Variants in TBC1D4 observed in about 807,000 individuals in gnomAD.
The protein encoded by TBC1D4 is TBC (Tre-2, BUB2, CDC16) domain-containing protein.
TBC1D4 carries 121 observed loss-of-function variants against 142.5 expected under a neutral mutation model. That is an observed-to-expected ratio of 0.85 (90% CI 0.73 to 0.99). The LOEUF (loss-of-function observed/expected upper bound fraction) is 0.99. Among genes scored for constraint, TBC1D4 ranks in the 50% least tolerant of loss-of-function variants. The pLI is 0.00. For missense variants in TBC1D4, 1,475 were observed against 1,606.6 expected (o/e 0.92, Z 1.40); for synonymous variants, 630 against 628.2 (o/e 1.00, Z -0.04).
At chr13:75,448,529 T>C (rs144848226) in intron 1 of TBC1D4, among the ~76,000 whole-genome samples, 39 of 150,814 alleles carry the variant, frequency 2.6e-4, no homozygotes, top group African/African-American at 7.8e-4. Flanking sequence ...GATTGCACCA[T>C]TGTACTCCAG....
intron 4 of TBC1D4, among the ~76,000 whole-genome samples, chr13:75,350,722 A>G (rs1438328160): frequency 2.0e-5 from 3 of 152,132 alleles, no homozygotes; most frequent in Non-Finnish European, 2.9e-5. Flanking sequence ...TGATTTCCAT[A>G]TAAGTTATTC....
At chr13:75,478,294 A>G (rs545437886) in intron 1 of TBC1D4, among the ~76,000 whole-genome samples, 1 of 152,356 alleles carries the variant, frequency 6.6e-6, no homozygotes, top group Non-Finnish European at 1.5e-5. Context: ...TATTACTCAC[A>G]GTGCTTGTAT....
At chr13:75,389,235 A>G (rs1393656794) in intron 1 of TBC1D4, among the ~76,000 whole-genome samples, 1 of 152,204 alleles carries the variant, frequency 6.6e-6, no homozygotes, top group Non-Finnish European at 1.5e-5. Flanking sequence ...ACTTGATTCC[A>G]ATATATTTCC....
chr13:75,391,066 AC>A (rs1884459653), intron 1 of TBC1D4, among the ~76,000 whole-genome samples: 2 of 129,912 alleles, frequency 1.5e-5, no homozygotes, highest in South Asian at 4.8e-4. Flanking sequence ...ACACACACAC[AC>A]ACACACAAAC....
At chr13:75,384,828 T>C (rs1282477402) in intron 1 of TBC1D4, among the ~76,000 whole-genome samples, 1 of 152,156 alleles carries the variant, frequency 6.6e-6, no homozygotes, top group East Asian at 1.9e-4. Flanking sequence ...TTAAAATAAC[T>C]GAAGAAAAAT....
Position 75,362,253 on chromosome 13 carries a change from T to C in TBC1D4, c.853A>G (p.Ser285Gly). 6.2e-7 allele frequency: 1 copy of C among 1,613,814 alleles called. No individual in the cohort carries two copies. The highest frequency in any genetic ancestry group is 8.5e-7 in the Non-Finnish European group (1 of 1,179,962). Residue 285 changes from serine (S) to glycine (G), a missense_variant, in exon 2 of 21, where the codon AGC becomes GGC. Coordinates refer to ENST00000377636, the MANE Select transcript of TBC1D4 (RefSeq NM_014832.5). This position sits in a 1 kb window ranked among gnomAD's most constrained non-coding sequence, Gnocchi z 4.2. ...DTHLGLPAGASQPALTSSRVC... is the reference protein window; with the variant it reads ...DTHLGLPAGAGQPALTSSRVC... ...CGAGAGCTGGTCAGGGCAGGCTGGC[T>C]GGCCCCGGCAGGTAAGCCAAGGTGG...
At chr13:75,479,233 T>C (rs1364022739) in intron 1 of TBC1D4, among the ~76,000 whole-genome samples, 1 of 152,192 alleles carries the variant, frequency 6.6e-6, no homozygotes, top group Non-Finnish European at 1.5e-5. Flanking sequence ...TTCAAATTAA[T>C]AACCCTCTGC....
At chr13:75,464,697 C>G (rs972810272) in intron 1 of TBC1D4, among the ~76,000 whole-genome samples, 5 of 152,238 alleles carry the variant, frequency 3.3e-5, no homozygotes, top group Admixed American at 3.3e-4. Context: ...TGCCCTTGAT[C>G]TTGCATTGGC....
At chr13:75,379,952 C>T (rs1381522071) in intron 1 of TBC1D4, among the ~76,000 whole-genome samples, 7 of 130,522 alleles carry the variant, frequency 5.4e-5, no homozygotes, top group Non-Finnish European at 7.7e-5. Flanking sequence ...GTTGCCCAGG[C>T]TGGAGTGCAG....
intron 1 of TBC1D4, among the ~76,000 whole-genome samples, chr13:75,410,170 T>G (rs144848113): frequency 6.6e-6 from 1 of 152,274 alleles, no homozygotes; most frequent in Admixed American, 6.5e-5. Context: ...GTACCTATAA[T>G]TACTATGTTT....
At chr13:75,370,985 G>T (rs1883193561) in intron 1 of TBC1D4, among the ~76,000 whole-genome samples, 8 of 152,158 alleles carry the variant, frequency 5.3e-5, no homozygotes, top group Admixed American at 5.2e-4. Context: ...TTGAAAGAGG[G>T]AGAAATATGA....
At chr13:75,475,563 T>G (rs1297690462) in intron 1 of TBC1D4, among the ~76,000 whole-genome samples, 2 of 152,250 alleles carry the variant, frequency 1.3e-5, no homozygotes, top group Non-Finnish European at 2.9e-5. Flanking sequence ...CATGATTTTC[T>G]TAATAGCCAG....
intron 1 of TBC1D4, among the ~76,000 whole-genome samples, chr13:75,390,881 G>C (rs1385019867): frequency 7.4e-6 from 1 of 135,062 alleles, no homozygotes; most frequent in Non-Finnish European, 1.6e-5. Flanking sequence ...GGGAGGGGAG[G>C]GGAGGGAAGG....
rs189495027 is a variant in TBC1D4, at chr13:75,324,446, A to G, written c.2034-45T>C. ...CAAATATGTCTTAATTTATATTTTG[A>G]CAAAATCTTCATTCACTATGAAAAA... is the stretch of plus-strand genomic sequence containing the variant. On this transcript the variant is annotated intron_variant, in intron 10 of 20. Coordinates refer to ENST00000377636, the MANE Select transcript of TBC1D4 (RefSeq NM_014832.5). 322 of 1,606,516 alleles carry G rather than the reference A, an allele frequency of 2.0e-4. No individual in the cohort carries two copies. In the African/African-American group the frequency reaches 3.8e-3, roughly 19 times the overall value.
At chr13:75,288,290 C>T (rs1411434877) in intron 20 of TBC1D4, among the ~76,000 whole-genome samples, 1 of 152,054 alleles carries the variant, frequency 6.6e-6, no homozygotes, top group Non-Finnish European at 1.5e-5. Flanking sequence ...TTTTAGCAGG[C>T]CTCCTTACCT....
chr13:75,475,663 C>T (rs1378383577), intron 1 of TBC1D4, among the ~76,000 whole-genome samples: 1 of 152,120 alleles, frequency 6.6e-6, no homozygotes, highest in Non-Finnish European at 1.5e-5. Flanking sequence ...TCATGGAAAT[C>T]ATCAGTTTCC....
At chr13:75,478,990 G>A (rs1888726334) in intron 1 of TBC1D4, among the ~76,000 whole-genome samples, 2 of 152,044 alleles carry the variant, frequency 1.3e-5, no homozygotes, top group African/African-American at 4.8e-5. Context: ...TAAAATGCGG[G>A]GTCATATATA....
rs185811577 is a variant in TBC1D4, at chr13:75,310,135, G to A, written c.2400C>T (p.Asn800=). 52 of 1,613,762 alleles carry A rather than the reference G, an allele frequency of 3.2e-5. No homozygotes were observed. Among genetic ancestry groups the A allele is most frequent in the Middle Eastern group, 1.7e-4 (1 of 6,040 alleles). The stretch of plus-strand genomic sequence containing the variant: ...AGAGGGGGGACAGTGGCAGCAGCTC[G>A]TTCCTGTCCAATCCATCTGCAGAGA... ...AMQQQDGLDR[N]ELLPLSPLSP... is the part of the protein sequence containing the mutation. Residue 800 remains asparagine, a synonymous_variant, in exon 14 of 21, where the codon AAC becomes AAT. Coordinates refer to ENST00000377636, the MANE Select transcript of TBC1D4 (RefSeq NM_014832.5).
intron 20 of TBC1D4, among the ~76,000 whole-genome samples, chr13:75,288,004 G>A (rs1403267849): frequency 1.3e-5 from 2 of 151,930 alleles, no homozygotes; most frequent in Admixed American, 1.3e-4. Context: ...CTCCCCTCAG[G>A]GCATGGCTAC....
Sources: allele counts gnomAD v4.1 joint callset (sites outside exome capture counted in the v4.1 genomes callset), GRCh38; gene constraint gnomAD v4.1.1; non-coding constraint Gnocchi (gnomAD v3.1); transcripts MANE v1.5; gene names NCBI Gene and HGNC (gene_info 2026-07-23, HGNC 2026-07-21).